The following SPATA1 variants were observed in gnomAD, a reference collection of about 807,000 sequenced individuals.
The protein encoded by SPATA1 is spermatogenesis-associated protein 1.
Under a neutral mutation model 59.6 loss-of-function variants are expected in SPATA1, and 57 were observed. That is an observed-to-expected ratio of 0.96 (90% CI 0.77 to 1.19). The LOEUF is 1.19. SPATA1 is among the 50% of genes most tolerant of loss of function. The probability of loss-of-function intolerance (pLI) is 0.00; values close to 1 mark genes in which losing one functional copy is unlikely to be tolerated. For synonymous variants in SPATA1, 147 were observed against 163.9 expected (o/e 0.90, Z 0.79); for missense variants, 448 against 480.7 (o/e 0.93, Z 0.64).
At chr1:84,553,678 A>G (rs922833271) in exon 13 of SPATA1, 5 of 152,304 alleles carry the variant, frequency 3.3e-5, no homozygotes, top group African/African-American at 4.8e-5. Context: ...AACATATACT[A>G]TGAAAATGGT....
chr1:84,532,432 G>A (rs1416863341), intron 6 of SPATA1, among the ~76,000 whole-genome samples: 3 of 152,112 alleles, frequency 2.0e-5, no homozygotes, highest in Admixed American at 6.5e-5. Context: ...GGAGGCAGAG[G>A]CTACAGTGAA....
chr1:84,509,318 G>A (rs1682432211), intron 1 of SPATA1, among the ~76,000 whole-genome samples: 1 of 152,154 alleles, frequency 6.6e-6, no homozygotes, highest in South Asian at 2.1e-4. Flanking sequence ...ATACATTGGA[G>A]AAAGGACAGT....
exon 12 of SPATA1, chr1:84,550,443 A>T (rs747650691): frequency 3.9e-6 from 6 of 1,537,384 alleles, no homozygotes; most frequent in South Asian, 1.3e-5. Context: ...ATTACCTAAT[A>T]ATCCAGATCA....
intron 12 of SPATA1, chr1:84,552,854 T>C (rs1050259827): frequency 9.5e-6 from 5 of 525,288 alleles, no homozygotes; most frequent in African/African-American, 2.0e-5. Context: ...TAAGCATGCT[T>C]ATTAAACAGC....
chr1:84,526,979 A>T (rs1020348038), intron 6 of SPATA1, among the ~76,000 whole-genome samples: 1 of 152,098 alleles, frequency 6.6e-6, no homozygotes, highest in African/African-American at 2.4e-5. Context: ...GGAAAAAAAG[A>T]TAGGTAATTT....
chr1:84,526,124 T>C (rs1413416148), intron 6 of SPATA1, 51 bp downstream of exon 6: 2 of 1,488,684 alleles, frequency 1.3e-6, no homozygotes, highest in African/African-American at 2.8e-5. Flanking sequence ...TAGTACATTT[T>C]AGCAGTCAAG....
At chr1:84,535,379 C>A (rs898763005) in intron 8 of SPATA1, among the ~76,000 whole-genome samples, 4 of 152,014 alleles carry the variant, frequency 2.6e-5, no homozygotes, top group Non-Finnish European at 5.9e-5. Flanking sequence ...TACCAAAAGA[C>A]TACTGGAATT....
At chr1:84,519,258 G>A (rs1682920598) in intron 2 of SPATA1, among the ~76,000 whole-genome samples, 1 of 151,936 alleles carries the variant, frequency 6.6e-6, no homozygotes, top group South Asian at 2.1e-4. Context: ...AATAGCTAAT[G>A]GTTTTAATGA....
intron 4 of SPATA1, among the ~76,000 whole-genome samples, chr1:84,524,470 G>C (rs908946001): frequency 6.6e-6 from 1 of 152,156 alleles, no homozygotes; most frequent in Non-Finnish European, 1.5e-5. Context: ...ATTGAAGTGA[G>C]GAGGCAGGAA....
intron 6 of SPATA1, among the ~76,000 whole-genome samples, chr1:84,526,482 A>G (rs1683229609): frequency 6.6e-6 from 1 of 152,204 alleles, no homozygotes; most frequent in African/African-American, 2.4e-5. Context: ...AAAAACTTTA[A>G]TGTTGGGGAA....
downstream of SPATA1, among the ~76,000 whole-genome samples, chr1:84,557,554 G>GAAAAAAAAA (rs1179521999): frequency 1.4e-5 from 1 of 70,180 alleles, no homozygotes; most frequent in South Asian, 4.8e-4. Context: ...AAAAAAAAAA[G>GAAAAAAAAA]AAAAAAAAAA....
At chr1:84,563,971 A>T in intron 4 of SPATA1, 1 of 947,402 alleles carries the variant, frequency 1.1e-6, no homozygotes, top group Non-Finnish European at 1.4e-6. Flanking sequence ...AATATGTTAT[A>T]AAACATCCCT....
At chr1:84,535,888 G>A (rs1443931472) in intron 8 of SPATA1, among the ~76,000 whole-genome samples, 6 of 152,080 alleles carry the variant, frequency 3.9e-5, no homozygotes, top group Non-Finnish European at 7.3e-5. Flanking sequence ...TGCTTTCAGC[G>A]TAGTTCTGGT....
chr1:84,539,359 G>A (rs1683827145), intron 8 of SPATA1, among the ~76,000 whole-genome samples: 2 of 152,144 alleles, frequency 1.3e-5, no homozygotes. Flanking sequence ...TAGAATTGCT[G>A]GAAAATGTCT....
chr1:84,518,150 C>G (rs998446766), intron 2 of SPATA1, among the ~76,000 whole-genome samples: 8 of 151,922 alleles, frequency 5.3e-5, no homozygotes, highest in African/African-American at 1.9e-4. Context: ...TTTAAAAAGT[C>G]AATGCCATGT....
intron 1 of SPATA1, among the ~76,000 whole-genome samples, chr1:84,508,034 C>T (rs891077639): frequency 6.6e-6 from 1 of 152,158 alleles, no homozygotes; most frequent in African/African-American, 2.4e-5. Context: ...GTAATCCCAG[C>T]ACTTTAGCAG....
intron 11 of SPATA1, chr1:84,549,585 G>A (rs1684209143): frequency 6.6e-6 from 1 of 151,934 alleles, no homozygotes; most frequent in Non-Finnish European, 1.5e-5. Flanking sequence ...ATTTTGATCA[G>A]TTCTTTTTTT....
At chr1:84,551,889 C>A (rs1160338397) in intron 12 of SPATA1, 1 of 152,072 alleles carries the variant, frequency 6.6e-6, no homozygotes, top group Non-Finnish European at 1.5e-5. Flanking sequence ...TTATGACTCC[C>A]CTCATGCTGT....
In SPATA1 at chr1:84,525,827, A is replaced by T. The variant is rs1357738395; in HGVS notation, c.316-18A>T. ...TTTTAATTGCAAACTAACTTTTAAA[A>T]TTTCCTATATGTTTTAGGCTCTTCA... On this transcript the variant is annotated intron_variant, in intron 5 of 12. Coordinates refer to ENST00000490879, the Ensembl canonical transcript of SPATA1. 3 of 1,604,250 alleles carry T rather than the reference A, an allele frequency of 1.9e-6. No individual in the cohort carries two copies. The highest frequency in any genetic ancestry group is 1.4e-5 in the African/African-American group (1 of 73,986).
Sources: allele counts gnomAD v4.1 joint callset (sites outside exome capture counted in the v4.1 genomes callset), GRCh38; gene constraint gnomAD v4.1.1; transcripts MANE v1.5; gene names NCBI Gene and HGNC (gene_info 2026-07-23, HGNC 2026-07-21).